The following GTPBP2 variants were observed in gnomAD, a reference collection of about 807,000 sequenced individuals.
GTPBP2 encodes the protein GTP-binding protein 2.
A neutral mutation model predicts 63.0 loss-of-function variants in GTPBP2; 32 were observed. The observed-to-expected ratio is 0.51, with a 90% confidence interval of 0.38 to 0.68. GTPBP2 has a LOEUF of 0.68. Among genes scored for constraint, GTPBP2 ranks in the 30% least tolerant of loss-of-function variants. The pLI, the probability that GTPBP2 is intolerant of heterozygous loss-of-function variation, is 0.00. For missense variants in GTPBP2, 492 were observed against 796.9 expected, an observed-to-expected ratio of 0.62 and a Z score of 4.61; for synonymous variants, 310 against 322.6, an observed-to-expected ratio of 0.96 and a Z score of 0.42.
rs1316052603 is a variant in GTPBP2, at chr6:43,621,303, C to T, written c.*311G>A. ...ACATGCCCAGTCTTAGTAGTGGGGA[C>T]GAAGAATTGATGAGTGGATCCAGTC... On this transcript the variant is annotated 3_prime_UTR_variant, in exon 12 of 12. Transcript: ENST00000307126. The T allele has an allele frequency of 2.5e-5, 19 of 767,152 alleles. No homozygotes were observed. The highest frequency in any genetic ancestry group is 6.3e-5 in the South Asian group (4 of 63,768). The allele number at this position is 767,152 out of a possible 1,614,324, so 47.5% of individuals were successfully genotyped here. A position where few individuals can be genotyped will look rare whatever the true frequency, so the allele number is the denominator to read the frequency against.
At position 43,625,004 on chromosome 6, in the gene GTPBP2, A is replaced by G; in HGVS notation, c.764T>C (p.Met255Thr). The change falls in exon 6 of 12, where the codon ATG (methionine) becomes ACG (threonine). Residue 255 changes from methionine to threonine, a missense_variant. This residue lies in a region of GTPBP2 where 400 missense variants were observed against 710.8 expected (regional missense o/e 0.56). Coordinates refer to ENST00000307126, the MANE Select transcript of GTPBP2 (RefSeq NM_019096.5). This position sits in a 1 kb window ranked among gnomAD's most constrained non-coding sequence, Gnocchi z 5.1. ...AEEICESSSKMITFIDLAGHH... is the reference protein window; with the variant it reads ...AEEICESSSKTITFIDLAGHH... ...GCCTGCCAGGTCGATGAAGGTGATCATCTTGGAGCTGCTCTCACAGATCTC... is the reference window on the plus strand; with the variant it reads ...GCCTGCCAGGTCGATGAAGGTGATCGTCTTGGAGCTGCTCTCACAGATCTC... The G allele has an allele frequency of 1.2e-6, 2 of 1,613,988 alleles. No individual in the cohort carries two copies. Among genetic ancestry groups the G allele is most frequent in the Non-Finnish European group, 1.7e-6 (2 of 1,179,998 alleles).
At chr6:43,627,165 T>C (rs1769434755) in intron 1 of GTPBP2, 1 of 653,958 alleles carries the variant, frequency 1.5e-6, no homozygotes, top group South Asian at 4.9e-5. Context: ...ACACAAGGAG[T>C]CACCCATTTA....
Position 43,624,591 on chromosome 6 carries a change from G to C in GTPBP2, c.1019C>G (p.Pro340Arg). 6.2e-7 allele frequency: 1 copy of C among 1,614,134 alleles called. No homozygotes were observed. The highest frequency in any genetic ancestry group is 1.1e-5 in the South Asian group (1 of 91,084). The change falls in exon 7 of 12, where the codon CCT (proline) becomes CGT (arginine). Residue 340 changes from proline (P) to arginine (R), a missense_variant. By Grantham distance (103) the Pro-to-Arg change is moderately radical. This residue lies in a region of GTPBP2 where 400 missense variants were observed against 710.8 expected (regional missense o/e 0.56). Transcript: ENST00000307126. The surrounding 1 kb of genome is among the most constrained non-coding windows in gnomAD (Gnocchi z 5.1). Reference sequence around the variant, plus strand: ...CAGCATGGGGACCTTGTGGCAGCCAGGCTGCTTGAGGACCCGCTCCAGCTG... The same window carrying C: ...CAGCATGGGGACCTTGTGGCAGCCACGCTGCTTGAGGACCCGCTCCAGCTG... ...VRQLERVLKQ[P>R]GCHKVPMLVT...
chr6:43,624,424 G>A lies in GTPBP2; in HGVS notation c.1100+86C>T. On this transcript the variant is annotated intron_variant, in intron 7 of 11. Coordinates refer to ENST00000307126, the MANE Select transcript of GTPBP2 (RefSeq NM_019096.5). The surrounding 1 kb of genome is among the most constrained non-coding windows in gnomAD (Gnocchi z 5.1). ...ACTAAGCCAGAACTGGTCTGGCCCT[G>A]GAGAAGTAGGATATCATGCTTCTGG... 1.0e-6 allele frequency: 1 copy of A among 992,960 alleles called. No homozygotes were observed. 61.5% of individuals were successfully genotyped at this position (992,960 alleles called of 1,614,324 possible). A position where few individuals can be genotyped will look rare whatever the true frequency, so the allele number is the denominator to read the frequency against.
At chr6:43,629,906 T>G (rs2127851598), upstream of GTPBP2, 1 of 1,150,358 alleles carries the variant, frequency 8.7e-7, no homozygotes, top group East Asian at 2.8e-5. Flanking sequence ...GGGGCTGGTT[T>G]TAATAACCGG....
At position 43,621,406 on chromosome 6, in the gene GTPBP2, T is replaced by C; in HGVS notation, c.*208A>G. The C allele has an allele frequency of 6.5e-7, 1 of 1,533,244 alleles. No individual in the cohort carries two copies. Among genetic ancestry groups the C allele is most frequent in the Non-Finnish European group, 8.8e-7 (1 of 1,135,776 alleles). 95.0% of individuals were successfully genotyped at this position (1,533,244 alleles called of 1,614,324 possible). A position where few individuals can be genotyped will look rare whatever the true frequency, so the allele number is the denominator to read the frequency against. ...AGCACACAGCTTCGGAGCACTGCCC[T>C]GAATCCTGTCTTCTCCCTCAGGACT... is the stretch of plus-strand genomic sequence containing the variant. On this transcript the variant is annotated 3_prime_UTR_variant, in exon 12 of 12. Transcript: ENST00000307126.
At position 43,623,782 on chromosome 6, in the gene GTPBP2, T is replaced by C; in HGVS notation, c.1250A>G (p.Tyr417Cys). Residue 417 changes from tyrosine (Y) to cysteine (C), a missense_variant, in exon 9 of 12, where the codon TAC (tyrosine) becomes TGC (cysteine). By Grantham distance (194) the Tyr-to-Cys change is radical. Around this residue, in one of 2 missense-constraint regions of GTPBP2, gnomAD observed 400 missense variants for 710.8 expected, o/e 0.56. Transcript: ENST00000307126. ...AACAGTCCCCACCTCTGGTACTGTG[T>C]AGATTTCATCCACCTGAAGCCAAAG... ...QLTEFQVDEI[Y>C]TVPEVGTVVG... 1 of 1,613,682 alleles carries C rather than the reference T, an allele frequency of 6.2e-7. No individual in the cohort carries two copies. Among genetic ancestry groups the C allele is most frequent in the Non-Finnish European group, 8.5e-7 (1 of 1,179,542 alleles).
chr6:43,629,659 G>A (rs1167878109), upstream of GTPBP2: 2 of 1,384,680 alleles, frequency 1.4e-6, no homozygotes, highest in Non-Finnish European at 2.0e-6. Flanking sequence ...GCGGATCCTA[G>A]ACAACAGGTT....
upstream of GTPBP2, chr6:43,629,452 G>A: frequency 3.5e-6 from 2 of 567,380 alleles, no homozygotes; most frequent in Non-Finnish European, 6.2e-6. Context: ...CGGAGGCGTG[G>A]GGAAGGAGCG....
Position 43,625,375 on chromosome 6 carries a change from G to A in GTPBP2, c.693C>T (p.Asn231=). 3 of 1,613,982 alleles carry A rather than the reference G, an allele frequency of 1.9e-6. No homozygotes were observed. The highest frequency in any genetic ancestry group is 2.5e-6 in the Non-Finnish European group (3 of 1,179,946). The change falls in exon 5 of 12, where the codon AAC becomes AAT. Residue 231 remains asparagine, a synonymous_variant. Coordinates refer to ENST00000307126, the MANE Select transcript of GTPBP2 (RefSeq NM_019096.5). This position sits in a 1 kb window ranked among gnomAD's most constrained non-coding sequence, Gnocchi z 5.1. ...TGATCCCATGCACCTCTCCCTTGCT[G>A]TTAAAGCCCAGGATCTCGAAGCTGA... ...SSISFEILGF[N]SKGEVVNYSD...
rs766504920 is a variant in GTPBP2, at chr6:43,623,897, T to C, written c.1236+36A>G. ...TTTGGTCTGAAGCAGCCCCTCCCTG[T>C]TTCCCAGCCTATTAGATGTTTGGGC... On this transcript the variant is annotated intron_variant, in intron 8 of 11. Transcript: ENST00000307126. The C allele has an allele frequency of 1.5e-5, 24 of 1,613,408 alleles. No individual in the cohort carries two copies. In the South Asian group the frequency reaches 2.6e-4, roughly 18 times the overall value.
rs761496306 is a variant in GTPBP2, at chr6:43,625,323, TCA to T, written c.705+38_705+39del. 2 of 1,576,118 alleles carry T rather than the reference TCA, an allele frequency of 1.3e-6. No individual in the cohort carries two copies. Among genetic ancestry groups the T allele is most frequent in the Non-Finnish European group, 1.7e-6 (2 of 1,145,382 alleles). ...GTCCTTCACTACTACCATCCCATCC[TCA>T]GAGTCTGGCCCCATTGGGTCCCATT... On this transcript the variant is annotated intron_variant, in intron 5 of 11. Transcript: ENST00000307126. The surrounding 1 kb of genome is among the most constrained non-coding windows in gnomAD (Gnocchi z 5.1).
In GTPBP2 at chr6:43,620,779, G is replaced by C. The variant is rs1768663639; in HGVS notation, c.*835C>G. 6.5e-6 allele frequency: 1 copy of C among 153,148 alleles called. No homozygotes were observed. The allele number at this position is 153,148 out of a possible 1,614,324, so 9.5% of individuals were successfully genotyped here. A position where few individuals can be genotyped will look rare whatever the true frequency, so the allele number is the denominator to read the frequency against. On this transcript the variant is annotated 3_prime_UTR_variant, in exon 12 of 12. Transcript: ENST00000307126. ...GCAGGAAAGTGGGGTGAGAGTGGTA[G>C]GATGGGGAACTCAGATGCCACCAGT...
chr6:43,630,908 C>CAAA (rs753239311), upstream of GTPBP2, among the ~76,000 whole-genome samples: 4,241 of 53,476 alleles, frequency 0.079, 323 homozygotes, highest in African/African-American at 0.18. Context: ...GACTTCGTCT[C>CAAA]AAAAAAAAAA....
At position 43,624,148 on chromosome 6, in the gene GTPBP2, T is replaced by C. The variant is rs1420882839; in HGVS notation, c.1101-80A>G. Reference sequence around the variant, plus strand: ...GGCCAGAGCCCCATACATGGAAAGGTGAGCTTTGTTCTGGCTGGGGGCCCC... The same window carrying C: ...GGCCAGAGCCCCATACATGGAAAGGCGAGCTTTGTTCTGGCTGGGGGCCCC... On this transcript the variant is annotated intron_variant, in intron 7 of 11. Coordinates refer to ENST00000307126, the MANE Select transcript of GTPBP2 (RefSeq NM_019096.5). The surrounding 1 kb of genome is among the most constrained non-coding windows in gnomAD (Gnocchi z 5.1). 6 of 1,358,876 alleles carry C rather than the reference T, an allele frequency of 4.4e-6. No homozygotes were observed. The highest frequency in any genetic ancestry group is 2.2e-5 in the Admixed American group (1 of 44,852). The allele number at this position is 1,358,876 out of a possible 1,614,324, so 84.2% of individuals were successfully genotyped here.
chr6:43,626,556 G>C lies in GTPBP2; in HGVS notation c.214-146C>G, dbSNP rs1187244625. 7.7e-6 allele frequency: 5 copies of C among 645,714 alleles called. No homozygotes were observed. The highest frequency in any genetic ancestry group is 5.7e-5 in the South Asian group (3 of 52,330). 40.0% of individuals were successfully genotyped at this position (645,714 alleles called of 1,614,324 possible). On this transcript the variant is annotated intron_variant, in intron 2 of 11. Transcript: ENST00000307126. This position sits in a 1 kb window ranked among gnomAD's most constrained non-coding sequence, Gnocchi z 4.0. ...TCCCCCTCCAACAGAACGAGGTACA[G>C]AGCCCTTAACCTGAACCATATCCTT...
At chr6:43,623,846 T>A in intron 8 of GTPBP2, 51 bp from the exon 9 acceptor site, 1 of 1,609,368 alleles carries the variant, frequency 6.2e-7, no homozygotes, top group Non-Finnish European at 8.5e-7. Flanking sequence ...GGCTGGTGGG[T>A]CCAAAATCTC....
chr6:43,622,087 G>A lies in GTPBP2; in HGVS notation c.1548C>T (p.Ala516=), dbSNP rs762576468. The A allele has an allele frequency of 4.3e-6, 7 of 1,613,896 alleles. No homozygotes were observed. In the African/African-American group the frequency reaches 5.3e-5, roughly 12 times the overall value. ...FEAEIVLLFH[A]TTFRRGFQVT... ...CCTGGAATCCTCGTCGGAAGGTGGT[G>A]GCATGGAACAGTAAGACTATCTCTG... is the stretch of plus-strand genomic sequence containing the variant. Residue 516 remains alanine (A), a synonymous_variant, in exon 11 of 12, where the codon GCC becomes GCT. Transcript: ENST00000307126. The surrounding 1 kb of genome is among the most constrained non-coding windows in gnomAD (Gnocchi z 5.4).
chr6:43,621,524 C>T lies in GTPBP2; in HGVS notation c.*90G>A. On this transcript the variant is annotated 3_prime_UTR_variant, in exon 12 of 12. Coordinates refer to ENST00000307126, the MANE Select transcript of GTPBP2 (RefSeq NM_019096.5). ...CACCCCTCTCTCCCTAGCCTATTAA[C>T]ACACAGAGCCGCCAATGGCAGGGCA... 6 of 1,599,114 alleles carry T rather than the reference C, an allele frequency of 3.8e-6. No individual in the cohort carries two copies. Among genetic ancestry groups the T allele is most frequent in the Non-Finnish European group, 5.1e-6 (6 of 1,172,870 alleles).
Sources: allele counts gnomAD v4.1 joint callset (sites outside exome capture counted in the v4.1 genomes callset), GRCh38; gene constraint gnomAD v4.1.1; regional missense constraint gnomAD v4.1.1; non-coding constraint Gnocchi (gnomAD v3.1); transcripts MANE v1.5; gene names NCBI Gene and HGNC (gene_info 2026-07-23, HGNC 2026-07-21).